IGSF11: variants seen among roughly 807,000 people sequenced by gnomAD.
The protein encoded by IGSF11 is immunoglobulin superfamily member 11, also known as CXADR like 1.
A neutral mutation model predicts 41.0 loss-of-function variants in IGSF11; 22 were observed. The ratio of observed to expected loss-of-function variants is 0.54; its 90% confidence interval spans 0.38 to 0.77. IGSF11 has a LOEUF of 0.77. Among genes scored for constraint, IGSF11 ranks in the 30% least tolerant of loss-of-function variants. The pLI is 0.00. For missense variants in IGSF11, 444 were observed against 530.8 expected (o/e 0.84, Z 1.61); for synonymous variants, 219 against 201.3 (o/e 1.09, Z -0.74).
intron 1 of IGSF11, among the ~76,000 whole-genome samples, chr3:118,955,219 TACACACAC>T (rs34044399): frequency 0.035 from 5,058 of 144,476 alleles, 104 homozygotes; most frequent in East Asian, 0.071. Context: ...TATATGTACA[TACACACAC>T]ACACACACAC....
At chr3:119,083,207 G>C (rs184827460) in intron 1 of IGSF11, among the ~76,000 whole-genome samples, 127 of 147,550 alleles carry the variant, frequency 8.6e-4, no homozygotes, top group African/African-American at 3.1e-3. Flanking sequence ...ATCTTGCTGC[G>C]GCCTCGACTT....
chr3:119,134,503 A>G (rs552938465), intron 1 of IGSF11, among the ~76,000 whole-genome samples: 1 of 152,334 alleles, frequency 6.6e-6, no homozygotes, highest in Non-Finnish European at 1.5e-5. Context: ...AATCCAACTT[A>G]CAAGGGATGT....
At chr3:119,003,212 G>A (rs62275745) in intron 1 of IGSF11, among the ~76,000 whole-genome samples, 2,361 of 144,088 alleles carry the variant, frequency 0.016, 24 homozygotes, top group Non-Finnish European at 0.022. Context: ...TGGATTCCTA[G>A]GTATTTTATT....
intron 1 of IGSF11, among the ~76,000 whole-genome samples, chr3:119,096,046 TTTTATTTA>T (rs55923645): frequency 1.9e-4 from 29 of 151,534 alleles, no homozygotes; most frequent in African/African-American, 3.1e-4. Flanking sequence ...ATGAAAACTG[TTTTATTTA>T]TTTATTTATT....
Position 119,007,292 on chromosome 3 carries a change from AGGTGAG to A in IGSF11, c.52+27233_52+27238del, listed in dbSNP as rs1937563468. ...AACTCCCTGACCCCTTGCGCTTCCCAGGTGAGGCAATGCCTCGCCCTGCTTCGGCTC... is the reference window on the plus strand; with the variant it reads ...AACTCCCTGACCCCTTGCGCTTCCCAGCAATGCCTCGCCCTGCTTCGGCTC... On this transcript the variant is annotated intron_variant, in intron 1 of 6. Coordinates refer to ENST00000393775, the MANE Select transcript of IGSF11 (RefSeq NM_001015887.3). Among the ~76,000 whole-genome samples, 3 of 139,762 alleles carry A rather than the reference AGGTGAG, an allele frequency of 2.1e-5. No individual in the cohort carries two copies. The South Asian group carries it at 7.1e-4, about 33-fold the overall frequency. The allele number at this position is 139,762 out of a possible 152,430, so 91.7% of individuals were successfully genotyped here.
rs529170283 is a variant in IGSF11 at position 119,048,504 on chromosome 3, A to C, written c.49+56640T>G. On this transcript the variant is annotated intron_variant, in intron 1 of 6. Coordinates refer to the IGSF11 transcript ENST00000354673. ...AGGATCTGAAAGTGTGGCAATAATGAATAGCTTACCAACCAAAAAGAGTCC... is the reference window on the plus strand; with the variant it reads ...AGGATCTGAAAGTGTGGCAATAATGCATAGCTTACCAACCAAAAAGAGTCC... 5.3e-5 allele frequency among the ~76,000 whole-genome samples: 8 copies of C among 152,366 alleles called. No homozygotes were observed. The East Asian group carries it at 1.3e-3, about 26-fold the overall frequency.
At chr3:118,953,769 T>C (rs914464305) in intron 1 of IGSF11, among the ~76,000 whole-genome samples, 2 of 152,168 alleles carry the variant, frequency 1.3e-5, no homozygotes, top group African/African-American at 4.8e-5. Context: ...TCTTGCTAAT[T>C]TGTTTGAGTT....
At chr3:118,921,474 A>AT (rs1263684621) in intron 4 of IGSF11, among the ~76,000 whole-genome samples, 1 of 152,216 alleles carries the variant, frequency 6.6e-6, no homozygotes, top group Non-Finnish European at 1.5e-5. Context: ...TTAAAACTTC[A>AT]TAAGAGAATA....
intron 1 of IGSF11, among the ~76,000 whole-genome samples, chr3:118,936,417 G>A (rs1407695141): frequency 6.6e-6 from 1 of 151,512 alleles, no homozygotes; most frequent in African/African-American, 2.4e-5. Context: ...TGAGGCAGGA[G>A]AGTCGCTTTA....
intron 1 of IGSF11, among the ~76,000 whole-genome samples, chr3:119,013,567 G>A (rs148785766): frequency 6.6e-6 from 1 of 152,308 alleles, no homozygotes; most frequent in East Asian, 1.9e-4. Context: ...AAACAGTATC[G>A]ATTCTTTTGA....
chr3:119,111,588 A>G (rs986598681), intron 1 of IGSF11, among the ~76,000 whole-genome samples: 2 of 152,014 alleles, frequency 1.3e-5, no homozygotes, highest in East Asian at 1.9e-4. Context: ...TCTTCTCTCA[A>G]CTCGTCAAAG....
chr3:119,103,542 T>C (rs1315283136), intron 1 of IGSF11, among the ~76,000 whole-genome samples: 1 of 152,186 alleles, frequency 6.6e-6, no homozygotes, highest in Admixed American at 6.5e-5. Flanking sequence ...ATTTCTGGAT[T>C]AGCAGAAATT....
chr3:118,970,589 G>T (rs971392023), intron 1 of IGSF11, among the ~76,000 whole-genome samples: 1 of 152,046 alleles, frequency 6.6e-6, no homozygotes, highest in Non-Finnish European at 1.5e-5. Context: ...TTTTGAATTT[G>T]GTTTTGAATT....
At chr3:119,051,714 A>C (rs563840643) in intron 1 of IGSF11, among the ~76,000 whole-genome samples, 2 of 152,340 alleles carry the variant, frequency 1.3e-5, no homozygotes, top group East Asian at 3.9e-4. Context: ...TCCAAGATAG[A>C]CCATATGATA....
At chr3:119,029,044 T>C (rs1483978860) in intron 1 of IGSF11, among the ~76,000 whole-genome samples, 1 of 150,984 alleles carries the variant, frequency 6.6e-6, no homozygotes, top group Non-Finnish European at 1.5e-5. Flanking sequence ...GTTTAAAATA[T>C]GAAAAAAAAA....
chr3:119,115,078 C>G (rs1248827327), intron 1 of IGSF11, among the ~76,000 whole-genome samples: 4 of 152,218 alleles, frequency 2.6e-5, no homozygotes, highest in African/African-American at 9.6e-5. Context: ...GTTCAATCAT[C>G]AACACCAGGT....
chr3:119,113,119 C>T (rs1249240300), intron 1 of IGSF11, among the ~76,000 whole-genome samples: 1 of 152,196 alleles, frequency 6.6e-6, no homozygotes, highest in African/African-American at 2.4e-5. Context: ...CCAGGCACCT[C>T]CTCTAACACT....
At chr3:118,976,573 G>C (rs1463262810) in intron 1 of IGSF11, among the ~76,000 whole-genome samples, 1 of 152,162 alleles carries the variant, frequency 6.6e-6, no homozygotes, top group East Asian at 1.9e-4. Flanking sequence ...GTACAGGAAA[G>C]GAGAACAAAA....
chr3:118,902,977 T>TA lies in IGSF11; in HGVS notation c.855-17dup, dbSNP rs1459565702. 1 of 1,607,922 alleles carries TA rather than the reference T, an allele frequency of 6.2e-7. No homozygotes were observed. The highest frequency in any genetic ancestry group is 1.7e-5 in the Admixed American group (1 of 59,802). On this transcript the variant is annotated splice_polypyrimidine_tract_variant and intron_variant, in intron 6 of 6. Transcript: ENST00000393775. ...ATCATCCTCTCTGAAAGGAACAAAA[T>TA]AAAGTCGTTGTTAGGATTTACTTCA... is the stretch of plus-strand genomic sequence containing the variant.
Sources: allele counts gnomAD v4.1 joint callset (sites outside exome capture counted in the v4.1 genomes callset), GRCh38; gene constraint gnomAD v4.1.1; transcripts MANE v1.5; gene names NCBI Gene and HGNC (gene_info 2026-07-23, HGNC 2026-07-21).